The following AKAP13 variants were observed in gnomAD, a reference collection of about 807,000 sequenced individuals.
AKAP13 encodes the protein A-kinase anchor protein 13.
A neutral mutation model predicts 264.5 loss-of-function variants in AKAP13; 80 were observed. That is an observed-to-expected ratio of 0.30 (90% CI 0.25 to 0.36). AKAP13 has a LOEUF of 0.36. AKAP13 is among the 10% of genes least tolerant of loss of function. The pLI is 1.00. For missense variants in AKAP13, 3,712 were observed against 3,435.2 expected (o/e 1.08, Z -2.01); for synonymous variants, 1,380 against 1,250.2 (o/e 1.10, Z -2.19).
chr15:85,732,783 C>G (rs959052350), intron 30 of AKAP13, among the ~76,000 whole-genome samples: 1 of 149,986 alleles, frequency 6.7e-6, no homozygotes, highest in Admixed American at 6.7e-5. Context: ...GTTAGTAATA[C>G]TAATAGTATT....
chr15:85,449,019 T>A (rs1043043947), intron 1 of AKAP13, among the ~76,000 whole-genome samples: 16 of 152,278 alleles, frequency 1.1e-4, no homozygotes, highest in African/African-American at 3.9e-4. Context: ...TGATATTGAT[T>A]CTTCCTATCC....
Position 85,710,439 on chromosome 15 carries a change from C to T in AKAP13, c.5533-140C>T, listed in dbSNP as rs114179273. ...TTAGAGGATGGCAATTGGGGGCGACCGTGGCTGGGACACAGGGTGCTTAGG... is the reference window on the plus strand; with the variant it reads ...TTAGAGGATGGCAATTGGGGGCGACTGTGGCTGGGACACAGGGTGCTTAGG... On this transcript the variant is annotated intron_variant, in intron 18 of 36. Transcript: ENST00000394518. The T allele has an allele frequency of 6.0e-4, 397 of 666,450 alleles. 1 individual carries two copies. The highest frequency in any genetic ancestry group is 5.9e-3 in the African/African-American group (322 of 54,620). 41.3% of individuals were successfully genotyped at this position (666,450 alleles called of 1,614,324 possible).
intron 1 of AKAP13, among the ~76,000 whole-genome samples, chr15:85,444,787 T>A (rs1482151561): frequency 6.6e-6 from 1 of 152,204 alleles, no homozygotes; most frequent in Non-Finnish European, 1.5e-5. Context: ...TTGTTCTTTG[T>A]GTCCTTAAGC....
intron 3 of AKAP13, among the ~76,000 whole-genome samples, chr15:85,529,998 G>T (rs2077196677): frequency 6.6e-6 from 1 of 151,962 alleles, no homozygotes; most frequent in Non-Finnish European, 1.5e-5. Flanking sequence ...AGTTTCTCAG[G>T]TATCTCTTTC....
At chr15:85,558,543 A>T (rs1045698660) in intron 5 of AKAP13, among the ~76,000 whole-genome samples, 1 of 152,266 alleles carries the variant, frequency 6.6e-6, no homozygotes, top group African/African-American at 2.4e-5. Context: ...CAAATGAGCA[A>T]AAATGTGTCT....
intron 1 of AKAP13, among the ~76,000 whole-genome samples, chr15:85,468,379 T>G (rs1341026324): frequency 6.6e-6 from 1 of 152,212 alleles, no homozygotes; most frequent in Non-Finnish European, 1.5e-5. Context: ...TCCTCTAAGT[T>G]TGGACTATTT....
intron 6 of AKAP13, among the ~76,000 whole-genome samples, chr15:85,577,105 A>T (rs1200378731): frequency 6.6e-6 from 1 of 152,242 alleles, no homozygotes; most frequent in African/African-American, 2.4e-5. Context: ...AGAAGCTTTT[A>T]GTGAAAGTCC....
intron 10 of AKAP13, among the ~76,000 whole-genome samples, chr15:85,652,433 G>A (rs2082899888): frequency 6.6e-6 from 1 of 152,070 alleles, no homozygotes; most frequent in African/African-American, 2.4e-5. Flanking sequence ...ATTAATAAAT[G>A]GAAACTTTAA....
chr15:85,460,656 G>T (rs1345254477), intron 1 of AKAP13, among the ~76,000 whole-genome samples: 2 of 152,192 alleles, frequency 1.3e-5, no homozygotes, highest in Non-Finnish European at 2.9e-5. Flanking sequence ...ACCCAGATGG[G>T]CCAGTCTAAT....
chr15:85,553,671 A>G (rs1030235092), intron 5 of AKAP13, among the ~76,000 whole-genome samples: 3 of 152,198 alleles, frequency 2.0e-5, no homozygotes, highest in African/African-American at 7.2e-5. Flanking sequence ...GGAGATTTGT[A>G]CTTTAAATCA....
chr15:85,736,477 C>T (rs1461768430), intron 33 of AKAP13, among the ~76,000 whole-genome samples: 1 of 152,050 alleles, frequency 6.6e-6, no homozygotes, highest in African/African-American at 2.4e-5. Flanking sequence ...CTCTATCGCC[C>T]AGCTCGCTGC....
rs1264321109 is a variant in AKAP13, at chr15:85,580,215, C to T, written c.2147C>T (p.Thr716Ile). Residue 716 changes from threonine (T) to isoleucine (I), a missense_variant, in exon 7 of 37, where the codon ACA becomes ATA. By Grantham distance (89) the Thr-to-Ile change is moderately conservative. Coordinates refer to ENST00000394518, the MANE Select transcript of AKAP13 (RefSeq NM_007200.5). ...CACTGTGAAGACCCACAGGCTCATA[C>T]AGTCACCTCTGACCCTGTAAGGGAT... ...ASHCEDPQAH[T>I]VTSDPVRDTQ... 3 of 1,614,216 alleles carry T rather than the reference C, an allele frequency of 1.9e-6. No homozygotes were observed. The Admixed American group carries it at 5.0e-5, about 27-fold the overall frequency.
At chr15:85,430,683 C>A (rs112812125) in intron 1 of AKAP13, among the ~76,000 whole-genome samples, 1 of 152,134 alleles carries the variant, frequency 6.6e-6, no homozygotes, top group East Asian at 1.9e-4. Context: ...ACTCTTTGGC[C>A]TTCTTCATTC....
intron 12 of AKAP13, among the ~76,000 whole-genome samples, chr15:85,663,464 T>G (rs1023173546): frequency 6.6e-6 from 1 of 152,214 alleles, no homozygotes; most frequent in Non-Finnish European, 1.5e-5. Flanking sequence ...GTTCGTTAAG[T>G]TATTTACAAA....
At chr15:85,404,732 T>A (rs2071586809) in intron 1 of AKAP13, among the ~76,000 whole-genome samples, 2 of 152,232 alleles carry the variant, frequency 1.3e-5, no homozygotes, top group African/African-American at 4.8e-5. Flanking sequence ...TGTCACACCT[T>A]TGTATCTTTA....
chr15:85,430,376 A>G (rs1428403506), intron 1 of AKAP13, among the ~76,000 whole-genome samples: 1 of 152,320 alleles, frequency 6.6e-6, no homozygotes, highest in Non-Finnish European at 1.5e-5. Flanking sequence ...TTTCCTAAGC[A>G]TTTAGAAATT....
intron 30 of AKAP13, 81 bp from the exon 31 acceptor site, chr15:85,734,911 G>A: frequency 6.5e-7 from 1 of 1,531,796 alleles, no homozygotes; most frequent in East Asian, 2.3e-5. Context: ...CGTGCTCTTT[G>A]TACGTATCAT....
chr15:85,582,410 A>G (rs540536889), intron 7 of AKAP13, among the ~76,000 whole-genome samples: 2 of 152,350 alleles, frequency 1.3e-5, no homozygotes, highest in African/African-American at 4.8e-5. Context: ...CAGGTACTCT[A>G]AAGTGGTGAA....
intron 14 of AKAP13, among the ~76,000 whole-genome samples, chr15:85,676,218 G>C (rs151054070): frequency 6.6e-6 from 1 of 152,288 alleles, no homozygotes; most frequent in East Asian, 1.9e-4. Flanking sequence ...GCCAGTAGAA[G>C]GCTTTTGCAG....
Sources: gnomAD v4.1 joint callset for allele counts (sites outside exome capture counted in the v4.1 genomes callset) on GRCh38, gnomAD v4.1.1 for gene constraint, MANE v1.5 for transcripts, NCBI Gene and HGNC (gene_info 2026-07-23, HGNC 2026-07-21) for gene names.